SSU72: variants seen among roughly 807,000 people sequenced by gnomAD.
SSU72 encodes the protein RNA polymerase II subunit A C-terminal domain phosphatase SSU72.
In SSU72, 12 loss-of-function variants were observed where a neutral mutation model predicts 22.7. The ratio of observed to expected loss-of-function variants is 0.53; its 90% CI spans 0.34 to 0.86. SSU72 has a LOEUF of 0.86. Among genes scored for constraint, SSU72 ranks in the 40% least tolerant of loss-of-function variants. SSU72 has a pLI of 0.02. For synonymous variants in SSU72, 116 were observed against 98.3 expected (o/e 1.18, Z -1.06); for missense variants, 151 against 249.8 (o/e 0.60, Z 2.67).
In SSU72 at chr1:1,542,282, G is replaced by T; in HGVS notation, c.484-115C>A. On this transcript the variant is annotated intron_variant, in intron 4 of 4. Coordinates refer to ENST00000291386, the MANE Select transcript of SSU72 (RefSeq NM_014188.3). The surrounding 1 kb of genome is among the most constrained non-coding windows in gnomAD (Gnocchi z 4.4). ...GAGCCAGCAGAAACCAGCGCAGCAGGCAGGCCCTCACCCCACCGCTGCTGC... is the reference window on the plus strand; with the variant it reads ...GAGCCAGCAGAAACCAGCGCAGCAGTCAGGCCCTCACCCCACCGCTGCTGC... 1 of 991,764 alleles carries T rather than the reference G, an allele frequency of 1.0e-6. No homozygotes were observed. Among genetic ancestry groups the T allele is most frequent in the Non-Finnish European group, 1.5e-6 (1 of 661,116 alleles). The allele number at this position is 991,764 out of a possible 1,614,324, so 61.4% of individuals were successfully genotyped here.
chr1:1,542,073 A>G lies in SSU72; in HGVS notation c.578T>C (p.Phe193Ser). 6.3e-7 allele frequency: 1 copy of G among 1,580,180 alleles called. No individual in the cohort carries two copies. The highest frequency in any genetic ancestry group is 1.2e-5 in the South Asian group (1 of 86,408). ...SGRTFLHTVC[F>S]Y ...TCCATGCGGGCGCTGGGCTCAGTAG[A>G]AGCAGACGGTGTGCAGAAAGGTGCG... The change falls in exon 5 of 5, where the codon TTC (phenylalanine) becomes TCC (serine). Residue 193 changes from phenylalanine to serine, a missense_variant. Phe to Ser is a radical substitution (Grantham distance 155). Coordinates refer to ENST00000291386, the MANE Select transcript of SSU72 (RefSeq NM_014188.3). This position sits in a 1 kb window ranked among gnomAD's most constrained non-coding sequence, Gnocchi z 4.4.
intron 1 of SSU72, among the ~76,000 whole-genome samples, chr1:1,565,303 G>A (rs1265636550): frequency 2.6e-5 from 4 of 152,202 alleles, no homozygotes; most frequent in African/African-American, 7.2e-5. Flanking sequence ...AACCCGGGAG[G>A]CGGAGCTTGC....
At chr1:1,573,603 C>T (rs1379878352) in intron 1 of SSU72, among the ~76,000 whole-genome samples, 2 of 152,072 alleles carry the variant, frequency 1.3e-5, no homozygotes, top group African/African-American at 4.8e-5. Context: ...GCGTGAGCCA[C>T]CGTGCCTGGC....
chr1:1,569,834 TC>T (rs1642707360), intron 1 of SSU72, among the ~76,000 whole-genome samples: 1 of 150,662 alleles, frequency 6.6e-6, no homozygotes, highest in Non-Finnish European at 1.5e-5. Flanking sequence ...GGTTCACTGA[TC>T]AGCTAGCTAC....
intron 2 of SSU72, chr1:1,563,277 T>C (rs565242985): frequency 6.6e-6 from 1 of 152,294 alleles, no homozygotes; most frequent in East Asian, 1.9e-4. Flanking sequence ...CTCACGCCTG[T>C]AATCCCAACA....
chr1:1,571,794 ATTT>A (rs71578326), intron 1 of SSU72, among the ~76,000 whole-genome samples: 2 of 149,222 alleles, frequency 1.3e-5, no homozygotes, highest in East Asian at 2.0e-4. Flanking sequence ...TAGCTAAATA[ATTT>A]TTTTTTTTGA....
chr1:1,570,834 G>A (rs1312652334), intron 1 of SSU72, among the ~76,000 whole-genome samples: 1 of 152,228 alleles, frequency 6.6e-6, no homozygotes, highest in Non-Finnish European at 1.5e-5. Context: ...CAAGCAGGCT[G>A]GGCGTGGTGG....
Position 1,541,940 on chromosome 1 carries a change from T to C in SSU72, c.*126A>G. The C allele has an allele frequency of 8.3e-6, 7 of 839,786 alleles. No homozygotes were observed. The highest frequency in any genetic ancestry group is 1.3e-5 in the Non-Finnish European group (7 of 534,444). 52.0% of individuals were successfully genotyped at this position (839,786 alleles called of 1,614,324 possible). A position where few individuals can be genotyped will look rare whatever the true frequency, so the allele number is the denominator to read the frequency against. On this transcript the variant is annotated 3_prime_UTR_variant, in exon 5 of 5. Transcript: ENST00000291386. ...TTTTGGCATCTCCTCTCCCATTTCA[T>C]ATGCACAGTTTATTTGGGTAATGCT...
intron 2 of SSU72, among the ~76,000 whole-genome samples, chr1:1,551,195 G>C (rs1642451696): frequency 6.6e-6 from 1 of 152,210 alleles, no homozygotes; most frequent in Non-Finnish European, 1.5e-5. Context: ...CCCAGCCATG[G>C]AGAAGCCACA....
rs33918586 is a variant in SSU72, at chr1:1,574,032, AAAGAAG to A, written c.80+440_80+445del. On this transcript the variant is annotated intron_variant, in intron 1 of 4. Coordinates refer to ENST00000291386, the MANE Select transcript of SSU72 (RefSeq NM_014188.3). ...GAGAGGATCTTTCGCAAAAAAAAAAAAAGAAGAAGAAGTAGCAAACACACAAATCCA... is the reference window on the plus strand; with the variant it reads ...GAGAGGATCTTTCGCAAAAAAAAAAAAAGAAGTAGCAAACACACAAATCCA... Among the ~76,000 whole-genome samples the A allele has an allele frequency of 1.0e-3, 150 of 146,284 alleles. 2 individuals carry two copies. The highest frequency in any genetic ancestry group is 3.9e-3 in the South Asian group (18 of 4,654).
At chr1:1,559,421 G>A (rs557327924) in intron 2 of SSU72, among the ~76,000 whole-genome samples, 4 of 152,308 alleles carry the variant, frequency 2.6e-5, no homozygotes, top group Admixed American at 6.5e-5. Flanking sequence ...AACTGGACAC[G>A]CGACTCAGGG....
intron 2 of SSU72, chr1:1,561,392 C>T (rs1196187801): frequency 6.6e-6 from 1 of 152,182 alleles, no homozygotes; most frequent in Non-Finnish European, 1.5e-5. Context: ...CGTCCTTTGT[C>T]TTGACGCTGT....
chr1:1,571,028 C>A (rs576832895), intron 1 of SSU72, among the ~76,000 whole-genome samples: 1 of 152,062 alleles, frequency 6.6e-6, no homozygotes, highest in African/African-American at 2.4e-5. Flanking sequence ...GGGCGGATCA[C>A]GAGGTCAGGA....
rs868529585 is a variant in SSU72, at chr1:1,554,332, G to C, written c.225-9330C>G. On this transcript the variant is annotated intron_variant, in intron 2 of 4. Coordinates refer to ENST00000291386, the MANE Select transcript of SSU72 (RefSeq NM_014188.3). The surrounding 1 kb of genome is among the most constrained non-coding windows in gnomAD (Gnocchi z 4.1). The stretch of plus-strand genomic sequence containing the variant: ...GGGGTCCCCACGAAGCTGAGCATGA[G>C]GCGGATCCGGACCACTCGGGGGTCC... Among the ~76,000 whole-genome samples, 157 of 151,932 alleles carry C rather than the reference G, an allele frequency of 1.0e-3. No individual in the cohort carries two copies. The highest frequency in any genetic ancestry group is 3.6e-3 in the African/African-American group (151 of 41,412).
intron 2 of SSU72, among the ~76,000 whole-genome samples, chr1:1,553,512 A>G (rs1642478938): frequency 6.6e-6 from 1 of 151,666 alleles, no homozygotes; most frequent in South Asian, 2.1e-4. Flanking sequence ...GCAGCGGCTC[A>G]TGCCTGTAAT....
chr1:1,564,906 A>G lies in SSU72; in HGVS notation c.91T>C (p.Phe31Leu). 1 of 1,600,716 alleles carries G rather than the reference A, an allele frequency of 6.2e-7. No individual in the cohort carries two copies. Among genetic ancestry groups the G allele is most frequent in the Non-Finnish European group, 8.5e-7 (1 of 1,173,344 alleles). The change falls in exon 2 of 5, where the codon TTC becomes CTC. Residue 31 changes from phenylalanine (F) to leucine (L), a missense_variant. Phe to Leu is a conservative substitution (Grantham distance 22, BLOSUM62 0). Transcript: ENST00000291386. ...CCTGTTCCAAAGGATCGGACGCTGA[A>G]TCCCCGTTTGCTGAAAGACAAAAGG... ...EAHNILSKRGFSVRSFGTGTH... is the reference protein window; with the variant it reads ...EAHNILSKRGLSVRSFGTGTH...
intron 3 of SSU72, among the ~76,000 whole-genome samples, chr1:1,544,345 C>T (rs1642363994): frequency 2.0e-5 from 3 of 152,200 alleles, no homozygotes; most frequent in South Asian, 4.1e-4. Context: ...GGGCCTGGCG[C>T]GGTGGCTCTC....
intron 1 of SSU72, among the ~76,000 whole-genome samples, chr1:1,567,404 T>C (rs1490733924): frequency 1.3e-5 from 2 of 152,210 alleles, no homozygotes; most frequent in Non-Finnish European, 2.9e-5. Flanking sequence ...CAGCGATTCA[T>C]GACTACAAAC....
Position 1,542,262 on chromosome 1 carries a change from AGCAGAAACCAGC to A in SSU72, c.484-107_484-96del. 1 of 1,187,988 alleles carries A rather than the reference AGCAGAAACCAGC, an allele frequency of 8.4e-7. No individual in the cohort carries two copies. The highest frequency in any genetic ancestry group is 1.2e-6 in the Non-Finnish European group (1 of 828,366). 73.6% of individuals were successfully genotyped at this position (1,187,988 alleles called of 1,614,324 possible). A position where few individuals can be genotyped will look rare whatever the true frequency, so the allele number is the denominator to read the frequency against. On this transcript the variant is annotated intron_variant, in intron 4 of 4. Transcript: ENST00000291386. This position sits in a 1 kb window ranked among gnomAD's most constrained non-coding sequence, Gnocchi z 4.4. ...GCCAGGGAAACGCCAGGCCTGAGCC[AGCAGAAACCAGC>A]GCAGCAGGCAGGCCCTCACCCCACC...
Sources: allele counts gnomAD v4.1 joint callset (sites outside exome capture counted in the v4.1 genomes callset), GRCh38; gene constraint gnomAD v4.1.1; non-coding constraint Gnocchi (gnomAD v3.1); transcripts MANE v1.5; gene names NCBI Gene and HGNC (gene_info 2026-07-23, HGNC 2026-07-21).